The following TTLL5 variants were observed in gnomAD, a reference collection of about 807,000 sequenced individuals.
The protein encoded by TTLL5 is tubulin tyrosine ligase like 5.
In TTLL5, 132 loss-of-function variants were observed where a neutral mutation model predicts 168.4. That is an observed-to-expected ratio of 0.78 (90% confidence interval 0.68 to 0.91). The LOEUF is 0.91. TTLL5 is among the 40% of genes least tolerant of loss of function. The pLI is 0.00. For missense variants in TTLL5, 1,545 were observed against 1,581.5 expected, an observed-to-expected ratio of 0.98 and a Z score of 0.39; for synonymous variants, 546 against 558.6, an observed-to-expected ratio of 0.98 and a Z score of 0.32.
intron 17 of TTLL5, among the ~76,000 whole-genome samples, chr14:75,748,064 G>T (rs959340406): frequency 6.6e-6 from 1 of 152,090 alleles, no homozygotes; most frequent in East Asian, 1.9e-4. Flanking sequence ...ATTGCCTTTA[G>T]GCAGAAATGT....
intron 8 of TTLL5, 66 bp from the exon 9 acceptor site, chr14:75,707,556 GT>G: frequency 1.4e-6 from 2 of 1,434,758 alleles, no homozygotes; most frequent in Non-Finnish European, 9.6e-7. Context: ...TGGTTTCGTT[GT>G]TTATTCTGTA....
rs568778331 is a variant in TTLL5 at position 75,887,636 on chromosome 14, G to C, written c.3740+4734G>C. On this transcript the variant is annotated intron_variant, in intron 30 of 31. Coordinates refer to ENST00000298832, the MANE Select transcript of TTLL5 (RefSeq NM_015072.5). ...GGTGTTCAGTGGCTGAGCTCAAACT[G>C]GAACTTATATGACCCGCTGTGCTCA... Among the ~76,000 whole-genome samples the C allele has an allele frequency of 2.6e-5, 4 of 152,232 alleles. No individual in the cohort carries two copies. The East Asian group carries it at 7.7e-4, about 29-fold the overall frequency.
intron 29 of TTLL5, among the ~76,000 whole-genome samples, chr14:75,875,780 G>A (rs943302169): frequency 1.3e-5 from 2 of 152,166 alleles, no homozygotes; most frequent in African/African-American, 4.8e-5. Context: ...GGTGTCATGT[G>A]ATTCCGTGTT....
intron 27 of TTLL5, 146 bp from the exon 28 acceptor site, chr14:75,819,860 TC>T (rs1231032720): frequency 5.6e-5 from 43 of 762,172 alleles, no homozygotes; most frequent in Non-Finnish European, 8.3e-5. Context: ...CAGGAGCCAT[TC>T]CTTCCTGAGT....
chr14:75,812,189 T>C (rs919930783), intron 27 of TTLL5, among the ~76,000 whole-genome samples: 10 of 152,024 alleles, frequency 6.6e-5, no homozygotes, highest in African/African-American at 2.2e-4. Flanking sequence ...AACATCTGGA[T>C]AAGCTGCTCC....
chr14:75,867,487 C>T (rs1050617670), intron 29 of TTLL5, among the ~76,000 whole-genome samples: 69 of 152,262 alleles, frequency 4.5e-4, no homozygotes, highest in African/African-American at 1.4e-3. Context: ...CAGGGCCGGG[C>T]GTGGTGGCTT....
intron 30 of TTLL5, among the ~76,000 whole-genome samples, chr14:75,895,879 T>TGTG (rs1399897744): frequency 3.3e-5 from 5 of 152,184 alleles, no homozygotes; most frequent in Admixed American, 6.5e-5. Context: ...GTATCTGGCA[T>TGTG]GTGGTAGGGG....
At chr14:75,795,710 A>G (rs1176844743) in intron 27 of TTLL5, among the ~76,000 whole-genome samples, 2 of 152,156 alleles carry the variant, frequency 1.3e-5, no homozygotes, top group East Asian at 1.9e-4. Flanking sequence ...TTCACTTAGA[A>G]TAATGGTCTC....
intron 27 of TTLL5, among the ~76,000 whole-genome samples, chr14:75,806,165 G>A (rs1182895236): frequency 6.6e-6 from 1 of 151,914 alleles, no homozygotes; most frequent in Non-Finnish European, 1.5e-5. Flanking sequence ...CAAGTAGCTG[G>A]GATTACAGAT....
intron 27 of TTLL5, among the ~76,000 whole-genome samples, chr14:75,804,732 A>G (rs1893549525): frequency 6.6e-6 from 1 of 152,254 alleles, no homozygotes. Context: ...TGAGTCAGCA[A>G]GACCTTGGAC....
At chr14:75,919,757 C>G (rs535294046) in intron 31 of TTLL5, among the ~76,000 whole-genome samples, 1 of 152,244 alleles carries the variant, frequency 6.6e-6, no homozygotes, top group South Asian at 2.1e-4. Context: ...GTACAAGCAA[C>G]AACAAAATTA....
chr14:75,683,013 C>T (rs1884748505), intron 4 of TTLL5, among the ~76,000 whole-genome samples: 2 of 152,146 alleles, frequency 1.3e-5, no homozygotes, highest in Admixed American at 6.5e-5. Flanking sequence ...CTCAAGCGCT[C>T]CTCCCGCCTC....
rs141533539 is a variant in TTLL5 at position 75,781,320 on chromosome 14, A to G, written c.2516-1167A>G. Among the ~76,000 whole-genome samples, 23 of 152,326 alleles carry G rather than the reference A, an allele frequency of 1.5e-4. No homozygotes were observed. In the East Asian group the frequency reaches 1.7e-3, roughly 11 times the overall value. Reference sequence around the variant, plus strand: ...CGGCGGGGGCAGTAGGAAGACGTCAATCAAGGAAACAACATTATGACATTT... The same window carrying G: ...CGGCGGGGGCAGTAGGAAGACGTCAGTCAAGGAAACAACATTATGACATTT... On this transcript the variant is annotated intron_variant, in intron 24 of 31. Transcript: ENST00000298832.
chr14:75,761,589 C>G (rs1021233872), intron 18 of TTLL5, among the ~76,000 whole-genome samples: 2 of 152,134 alleles, frequency 1.3e-5, no homozygotes, highest in African/African-American at 4.8e-5. Flanking sequence ...CAAAACAGTT[C>G]ATACTGTATG....
intron 27 of TTLL5, among the ~76,000 whole-genome samples, chr14:75,808,436 A>G (rs549185308): frequency 6.6e-6 from 1 of 152,212 alleles, no homozygotes; most frequent in African/African-American, 2.4e-5. Flanking sequence ...AAGGAATTGA[A>G]TTGTGGCTAG....
intron 2 of TTLL5, among the ~76,000 whole-genome samples, chr14:75,667,751 GTTTTTTTT>G (rs67181555): frequency 2.4e-4 from 21 of 89,092 alleles, no homozygotes; most frequent in East Asian, 3.7e-4. Context: ...ATCTTTTTAT[GTTTTTTTT>G]TTTTTTTTTT....
At chr14:75,941,021 A>G (rs2034585513) in intron 31 of TTLL5, among the ~76,000 whole-genome samples, 1 of 152,212 alleles carries the variant, frequency 6.6e-6, no homozygotes. Flanking sequence ...CCATAGATGG[A>G]CACTTGAGCT....
intron 30 of TTLL5, among the ~76,000 whole-genome samples, chr14:75,898,213 A>G (rs1041167609): frequency 6.6e-6 from 1 of 152,242 alleles, no homozygotes; most frequent in East Asian, 1.9e-4. Flanking sequence ...TAATTTCAAC[A>G]AAGTGGCTGA....
chr14:75,722,401 A>G (rs759542568), intron 12 of TTLL5, among the ~76,000 whole-genome samples: 1 of 152,076 alleles, frequency 6.6e-6, no homozygotes, highest in African/African-American at 2.4e-5. Context: ...ATGTGTCATC[A>G]TGCCTGGCTA....
Sources: gnomAD v4.1 joint callset for allele counts (sites outside exome capture counted in the v4.1 genomes callset) on GRCh38, gnomAD v4.1.1 for gene constraint, MANE v1.5 for transcripts, NCBI Gene and HGNC (gene_info 2026-07-23, HGNC 2026-07-21) for gene names.